Variants in MAP3K20 observed in about 807,000 individuals in gnomAD.
MAP3K20 encodes HCCS-4.
A neutral mutation model predicts 85.7 loss-of-function variants in MAP3K20; 40 were observed. The observed-to-expected ratio is 0.47, with a 90% confidence interval of 0.36 to 0.61. The LOEUF (loss-of-function observed/expected upper bound fraction) is 0.61. MAP3K20 is among the 20% of genes least tolerant of loss of function. The pLI, the probability that MAP3K20 is intolerant of heterozygous loss-of-function variation, is 0.00. For missense variants in MAP3K20, 817 were observed against 961.7 expected, an observed-to-expected ratio of 0.85 and a Z score of 1.99; for synonymous variants, 325 against 327.7, an observed-to-expected ratio of 0.99 and a Z score of 0.09.
intron 12 of MAP3K20, 152 bp from the exon 13 acceptor site, chr2:173,232,040 A>C: frequency 1.0e-6 from 1 of 967,448 alleles, no homozygotes; most frequent in Non-Finnish European, 1.6e-6. Flanking sequence ...TTGAGGTTTT[A>C]AAACTACAAA....
intron 7 of MAP3K20, among the ~76,000 whole-genome samples, chr2:173,196,680 A>G (rs908778398): frequency 6.6e-6 from 1 of 152,198 alleles, no homozygotes; most frequent in African/African-American, 2.4e-5. Context: ...AAAGGTTTCT[A>G]TGATTTGCTT....
At chr2:173,225,452 G>T (rs945930698) in intron 11 of MAP3K20, 16 of 399,264 alleles carry the variant, frequency 4.0e-5, no homozygotes, top group African/African-American at 1.1e-4. Flanking sequence ...AAATTGGCTG[G>T]GTGTGGTGTC....
At chr2:173,202,900 A>G (rs1271063819) in intron 8 of MAP3K20, among the ~76,000 whole-genome samples, 2 of 152,226 alleles carry the variant, frequency 1.3e-5, no homozygotes, top group Admixed American at 6.5e-5. Flanking sequence ...AGTTCAGTGT[A>G]TCTTAAAACT....
rs1690903674 is a variant in MAP3K20 at position 173,197,915 on chromosome 2, G to GTTGGTT, written c.583-110_583-105dup. 9.0e-6 allele frequency: 7 copies of GTTGGTT among 780,468 alleles called. No homozygotes were observed. The Admixed American group carries it at 2.1e-4, about 24-fold the overall frequency. The allele number at this position is 780,468 out of a possible 1,614,324, so 48.3% of individuals were successfully genotyped here. On this transcript the variant is annotated intron_variant, in intron 7 of 19. Transcript: ENST00000375213. ...TTTTGCCCAAGTTTCTACAGTTGGG[G>GTTGGTT]TTGGTTGTGTCTGGTAATTAGATAC...
rs917066711 is a variant in MAP3K20, at chr2:173,232,341, G to A, written c.1085G>A (p.Ser362Asn). The change falls in exon 14 of 20, where the codon AGT becomes AAT. Residue 362 changes from serine to asparagine, a missense_variant. By Grantham distance (46) the Ser-to-Asn change is conservative. Coordinates refer to ENST00000375213, the MANE Select transcript of MAP3K20 (RefSeq NM_016653.3). The part of the protein sequence containing the change: ...VRKGDSSAEM[S>N]VYASLFKENN... ...TCAGGTGACTCTTCAGCAGAGATGAGTGTATATGCAAGCTTGTTTAAAGAA... is the reference window on the plus strand; with the variant it reads ...TCAGGTGACTCTTCAGCAGAGATGAATGTATATGCAAGCTTGTTTAAAGAA... The A allele has an allele frequency of 1.2e-6, 2 of 1,614,250 alleles. No homozygotes were observed. Among genetic ancestry groups the A allele is most frequent in the Non-Finnish European group, 1.7e-6 (2 of 1,180,028 alleles).
At chr2:173,078,516 G>A (rs1686927060) in intron 1 of MAP3K20, among the ~76,000 whole-genome samples, 1 of 152,146 alleles carries the variant, frequency 6.6e-6, no homozygotes, top group African/African-American at 2.4e-5. Context: ...TACCTGGTAA[G>A]GGAAGAGGAC....
At chr2:173,199,658 G>A (rs1027712354) in intron 8 of MAP3K20, among the ~76,000 whole-genome samples, 6 of 131,366 alleles carry the variant, frequency 4.6e-5, no homozygotes, top group Non-Finnish European at 6.8e-5. Context: ...CTAGGAGAAA[G>A]GTTGTTTTTT....
At position 173,165,892 on chromosome 2, in the gene MAP3K20, A is replaced by G. The variant is rs77779553; in HGVS notation, c.160-3913A>G. ...CACTATGTTGCCCAAGCTGATCTCA[A>G]ACTCCTGAGTTCAAGTGCTTCTCTT... On this transcript the variant is annotated intron_variant, in intron 2 of 19. Coordinates refer to ENST00000375213, the MANE Select transcript of MAP3K20 (RefSeq NM_016653.3). 6.5e-3 allele frequency among the ~76,000 whole-genome samples: 992 copies of G among 152,216 alleles called. 6 individuals carry two copies. The highest frequency in any genetic ancestry group is 8.1e-3 in the Non-Finnish European group (550 of 67,986).
intron 2 of MAP3K20, among the ~76,000 whole-genome samples, chr2:173,137,601 T>G (rs1688833570): frequency 6.6e-6 from 1 of 152,192 alleles, no homozygotes; most frequent in African/African-American, 2.4e-5. Flanking sequence ...TCTCCCTCTC[T>G]TTTTTTCCTT....
chr2:173,077,792 A>G (rs1039640476), intron 1 of MAP3K20, among the ~76,000 whole-genome samples: 3 of 151,768 alleles, frequency 2.0e-5, no homozygotes, highest in African/African-American at 7.3e-5. Flanking sequence ...GTAAAGAGAG[A>G]AAAAAAAATC....
chr2:173,166,962 G>A (rs951327824), intron 2 of MAP3K20: 1 of 142,886 alleles, frequency 7.0e-6, no homozygotes, highest in Non-Finnish European at 1.5e-5. Context: ...GCCCAGGCTG[G>A]ACTGCAGTGG....
intron 10 of MAP3K20, chr2:173,210,092 C>T (rs1221785782): frequency 1.0e-5 from 4 of 396,080 alleles, no homozygotes; most frequent in Non-Finnish European, 1.9e-5. Context: ...TGGCTCACGC[C>T]TGTAATCCCA....
chr2:173,146,178 T>G (rs1026443558), intron 2 of MAP3K20, among the ~76,000 whole-genome samples: 1 of 152,078 alleles, frequency 6.6e-6, no homozygotes, highest in African/African-American at 2.4e-5. Context: ...TGTATTTTAT[T>G]ATACATAAAT....
chr2:173,127,893 T>C (rs562315878), intron 2 of MAP3K20, among the ~76,000 whole-genome samples: 12 of 152,280 alleles, frequency 7.9e-5, no homozygotes, highest in African/African-American at 2.9e-4. Context: ...GGTTAGGAAT[T>C]ATTGCCAGGA....
intron 11 of MAP3K20, chr2:173,224,385 G>A (rs185632891): frequency 4.8e-5 from 47 of 985,028 alleles, no homozygotes; most frequent in African/African-American, 1.6e-4. Context: ...CTTAATTTAT[G>A]TATAAATCCA....
chr2:173,147,027 C>A (rs1357511411), intron 2 of MAP3K20, among the ~76,000 whole-genome samples: 1 of 152,070 alleles, frequency 6.6e-6, no homozygotes, highest in Non-Finnish European at 1.5e-5. Context: ...TATTTGAATT[C>A]TTGGCCTATT....
chr2:173,101,128 C>T (rs1479558060), intron 2 of MAP3K20, among the ~76,000 whole-genome samples: 2 of 152,120 alleles, frequency 1.3e-5, no homozygotes, highest in African/African-American at 4.8e-5. Flanking sequence ...CTCCTAGGAC[C>T]TAGAGGAATT....
chr2:173,209,889 G>T lies in MAP3K20; in HGVS notation c.851+54G>T, dbSNP rs530657588. Reference sequence around the variant, plus strand: ...GTCTGGCTTTCAAAGACCATCACTCGTCTCAATGAAGAAGTGAACCAGAGA... The same window carrying T: ...GTCTGGCTTTCAAAGACCATCACTCTTCTCAATGAAGAAGTGAACCAGAGA... On this transcript the variant is annotated intron_variant, in intron 10 of 19. Transcript: ENST00000375213. 7 of 1,435,230 alleles carry T rather than the reference G, an allele frequency of 4.9e-6. No homozygotes were observed. In the South Asian group the frequency reaches 5.7e-5, roughly 12 times the overall value. 88.9% of individuals were successfully genotyped at this position (1,435,230 alleles called of 1,614,324 possible).
At chr2:173,203,336 G>C (rs900011176) in intron 8 of MAP3K20, among the ~76,000 whole-genome samples, 185 of 152,260 alleles carry the variant, frequency 1.2e-3, no homozygotes, top group African/African-American at 4.4e-3. Flanking sequence ...GAGAAATGTA[G>C]AGTTTTTAAA....
Sources: allele counts gnomAD v4.1 joint callset (sites outside exome capture counted in the v4.1 genomes callset), GRCh38; gene constraint gnomAD v4.1.1; transcripts MANE v1.5; gene names NCBI Gene and HGNC (gene_info 2026-07-23, HGNC 2026-07-21).